Variants in RUNX2 observed in about 807,000 individuals in gnomAD.
RUNX2 encodes runt-related transcription factor 2.
Under a neutral mutation model 51.7 loss-of-function variants are expected in RUNX2, and 10 were observed. That is an observed-to-expected ratio of 0.19 (90% confidence interval 0.12 to 0.33). The LOEUF is 0.33. Among genes scored for constraint, RUNX2 ranks in the 10% least tolerant of loss-of-function variants. The pLI is 1.00. For missense variants in RUNX2, 562 were observed against 691.3 expected, an observed-to-expected ratio of 0.81 and a Z score of 2.10; for synonymous variants, 276 against 273.6, an observed-to-expected ratio of 1.01 and a Z score of -0.09.
At chr6:45,444,880 T>G (rs1003760630) in intron 5 of RUNX2, among the ~76,000 whole-genome samples, 14 of 152,148 alleles carry the variant, frequency 9.2e-5, no homozygotes, top group Admixed American at 6.6e-4. Flanking sequence ...GGGGTTGACA[T>G]TTTTCTCTTC....
At chr6:45,484,814 CA>C (rs1206647176) in intron 5 of RUNX2, among the ~76,000 whole-genome samples, 1 of 152,222 alleles carries the variant, frequency 6.6e-6, no homozygotes, top group Non-Finnish European at 1.5e-5. Context: ...CTTCATGTAG[CA>C]CTTTTAGGAT....
Position 45,473,697 on chromosome 6 carries a change from G to A in RUNX2, c.686-18244G>A, listed in dbSNP as rs556535519. ...TGAAATTGTCTGCATAATTATTTTC[G>A]TTGGATTGAGAATCAGCAGCCCTCT... On this transcript the variant is annotated intron_variant, in intron 5 of 8. Transcript: ENST00000647337. 3.9e-5 allele frequency among the ~76,000 whole-genome samples: 6 copies of A among 152,268 alleles called. No individual in the cohort carries two copies. The South Asian group carries it at 6.2e-4, about 16-fold the overall frequency.
chr6:45,459,698 A>G (rs1799418000), intron 5 of RUNX2, among the ~76,000 whole-genome samples: 1 of 152,226 alleles, frequency 6.6e-6, no homozygotes, highest in South Asian at 2.1e-4. Context: ...TGAAAGAGGG[A>G]GACAATAAGC....
rs10706582 is a variant in RUNX2, at chr6:45,532,905, CTTTTTTTTTT to C, written c.1022-12301_1022-12292del. Among the ~76,000 whole-genome samples the C allele has an allele frequency of 3.2e-5, 4 of 125,880 alleles. No individual in the cohort carries two copies. In the South Asian group the frequency reaches 1.0e-3, roughly 33 times the overall value. 82.6% of individuals were successfully genotyped at this position (125,880 alleles called of 152,430 possible). ...CACAGCTAGCTAAGCAGACCGGGCT[CTTTTTTTTTT>C]TTTTTTTTTTCACGGTCATCAAAAC... is the stretch of plus-strand genomic sequence containing the variant. On this transcript the variant is annotated intron_variant, in intron 7 of 8. Transcript: ENST00000647337.
At chr6:45,385,528 C>G (rs1797330436) in intron 2 of RUNX2, among the ~76,000 whole-genome samples, 1 of 152,176 alleles carries the variant, frequency 6.6e-6, no homozygotes, top group Non-Finnish European at 1.5e-5. Flanking sequence ...AGCAGATTTA[C>G]TAAGGTTGTG....
intron 6 of RUNX2, among the ~76,000 whole-genome samples, chr6:45,498,798 T>G (rs1800719152): frequency 6.6e-6 from 1 of 152,218 alleles, no homozygotes; most frequent in African/African-American, 2.4e-5. Flanking sequence ...TGTCCTAGGA[T>G]TCTAGTGCTT....
At chr6:45,389,437 T>G (rs1401008264) in intron 2 of RUNX2, among the ~76,000 whole-genome samples, 1 of 152,156 alleles carries the variant, frequency 6.6e-6, no homozygotes, top group African/African-American at 2.4e-5. Flanking sequence ...GTGTAGGTGA[T>G]CAAGGTGATT....
intron 2 of RUNX2, chr6:45,421,593 C>T (rs1289669711): frequency 1.3e-5 from 2 of 152,232 alleles, no homozygotes; most frequent in African/African-American, 4.8e-5. Context: ...TAGCGACAGT[C>T]AGATCAGCCG....
chr6:45,341,057 C>CT (rs1328438366), intron 2 of RUNX2, among the ~76,000 whole-genome samples: 1 of 152,102 alleles, frequency 6.6e-6, no homozygotes, highest in Admixed American at 6.5e-5. Flanking sequence ...AGTAAGTGTA[C>CT]TTTTTCCTGT....
rs1802532354 is a variant in RUNX2 at position 45,550,452 on chromosome 6, T to A, written c.*3147T>A. Reference sequence around the variant, plus strand: ...GGAGATGTGTGTACAGCTTTAAGGATTCCCTCAATTCCGAGGAAAGGGACT... The same window carrying A: ...GGAGATGTGTGTACAGCTTTAAGGAATCCCTCAATTCCGAGGAAAGGGACT... On this transcript the variant is annotated 3_prime_UTR_variant, in exon 9 of 9. Transcript: ENST00000647337. 6.6e-6 allele frequency: 1 copy of A among 152,280 alleles called. No homozygotes were observed. The highest frequency in any genetic ancestry group is 2.4e-5 in the African/African-American group (1 of 41,442). The allele number at this position is 152,280 out of a possible 1,614,324, so 9.4% of individuals were successfully genotyped here. A position where few individuals can be genotyped will look rare whatever the true frequency, so the allele number is the denominator to read the frequency against.
chr6:45,507,177 A>C (rs979171882), intron 6 of RUNX2, among the ~76,000 whole-genome samples: 4 of 152,052 alleles, frequency 2.6e-5, no homozygotes, highest in Non-Finnish European at 5.9e-5. Context: ...GTTTCTGTAG[A>C]TTTGAAAAGA....
At chr6:45,404,481 G>A (rs17288376) in intron 2 of RUNX2, among the ~76,000 whole-genome samples, 11,370 of 151,938 alleles carry the variant, frequency 0.075, 588 homozygotes, top group South Asian at 0.18. Flanking sequence ...TTATTGAAAC[G>A]GCCAATGTGA....
chr6:45,414,368 T>C (rs1424403223), intron 2 of RUNX2, among the ~76,000 whole-genome samples: 1 of 152,208 alleles, frequency 6.6e-6, no homozygotes, highest in East Asian at 1.9e-4. Flanking sequence ...GTCCCTTTAA[T>C]GTTCCAACAC....
chr6:45,521,893 T>C (rs2150430708), intron 7 of RUNX2, among the ~76,000 whole-genome samples: 2 of 152,326 alleles, frequency 1.3e-5, no homozygotes, highest in South Asian at 4.1e-4. Context: ...TTGGTGACCA[T>C]ATTACACTGT....
At chr6:45,428,042 A>G (rs1221429761) in intron 3 of RUNX2, among the ~76,000 whole-genome samples, 2 of 152,148 alleles carry the variant, frequency 1.3e-5, no homozygotes, top group Admixed American at 6.5e-5. Context: ...TAGATTTTAT[A>G]TTTTAAAAAA....
rs539386253 is a variant in RUNX2 at position 45,517,775 on chromosome 6, C to T, written c.1021+5368C>T. ...ATACAATTATTAAAAATTATTTTATCACTACTACAAAATCTAGAAATTGCC... is the reference window on the plus strand; with the variant it reads ...ATACAATTATTAAAAATTATTTTATTACTACTACAAAATCTAGAAATTGCC... On this transcript the variant is annotated intron_variant, in intron 7 of 8. Coordinates refer to ENST00000647337, the MANE Select transcript of RUNX2 (RefSeq NM_001024630.4). Among the ~76,000 whole-genome samples the T allele has an allele frequency of 7.9e-5, 12 of 151,948 alleles. No homozygotes were observed. In the South Asian group the frequency reaches 1.5e-3, roughly 18 times the overall value.
At chr6:45,382,697 G>A (rs1563061380) in intron 2 of RUNX2, among the ~76,000 whole-genome samples, 1 of 152,216 alleles carries the variant, frequency 6.6e-6, no homozygotes, top group Non-Finnish European at 1.5e-5. Context: ...GAAAGGCCTT[G>A]TGTGCCTGAC....
intron 2 of RUNX2, among the ~76,000 whole-genome samples, chr6:45,411,948 C>T (rs1435865493): frequency 6.6e-6 from 1 of 152,060 alleles, no homozygotes; most frequent in Non-Finnish European, 1.5e-5. Flanking sequence ...TGTAGGATAT[C>T]TTACTTGAAA....
intron 3 of RUNX2, among the ~76,000 whole-genome samples, chr6:45,429,600 G>A (rs535947063): frequency 3.0e-4 from 45 of 152,278 alleles, no homozygotes; most frequent in Non-Finnish European, 3.8e-4. Context: ...ATATTCTCCA[G>A]GGAAAGGGAG....
Sources: gnomAD v4.1 joint callset for allele counts (sites outside exome capture counted in the v4.1 genomes callset) on GRCh38, gnomAD v4.1.1 for gene constraint, MANE v1.5 for transcripts, NCBI Gene and HGNC (gene_info 2026-07-23, HGNC 2026-07-21) for gene names.